USP16: variants seen among roughly 807,000 people sequenced by gnomAD.
USP16 encodes ubiquitin carboxyl-terminal hydrolase 16.
USP16 carries 77 observed loss-of-function variants against 95.9 expected under a neutral mutation model. That is an observed-to-expected ratio of 0.80 (90% CI 0.67 to 0.97). The LOEUF (loss-of-function observed/expected upper bound fraction) is 0.97, where lower values mean the gene tolerates loss of function less well. Ranked by LOEUF, USP16 falls within the 50% of genes least tolerant of loss-of-function variation. The pLI is 0.00. For missense variants in USP16, 943 were observed against 959.9 expected, an observed-to-expected ratio of 0.98 and a Z score of 0.23; for synonymous variants, 303 against 318.2, an observed-to-expected ratio of 0.95 and a Z score of 0.51.
At chr21:29,025,024 C>T (rs1189543185) in intron 1 of USP16, 4 of 314,138 alleles carry the variant, frequency 1.3e-5, no homozygotes, top group Non-Finnish European at 2.4e-5. Context: ...CCCGTGGGAT[C>T]GGAGCAGTTA....
chr21:29,041,927 TTAGA>T (rs146502072), intron 10 of USP16, 82 bp from the exon 11 acceptor site: 28,019 of 1,086,378 alleles, frequency 0.026, 458 homozygotes, highest in East Asian at 0.055. Flanking sequence ...AATTTTAGAG[TTAGA>T]TAGGTAAGTA....
rs775784738 is a variant in USP16 at position 29,046,972 on chromosome 21, T to C, written c.1662T>C (p.Thr554=). The stretch of plus-strand genomic sequence containing the variant: ...TGGAGGTTTTAACATCTTCTCCCAC[T>C]AGGAATTTAAATGGTGCCTACCTAA... ...NDLEVLTSSP[T]RNLNGAYLTE... Residue 554 remains threonine, a synonymous_variant, in exon 14 of 18, where the codon ACT becomes ACC. Coordinates refer to ENST00000399976, the MANE Select transcript of USP16 (RefSeq NM_006447.3). The C allele has an allele frequency of 6.2e-7, 1 of 1,614,088 alleles. No homozygotes were observed. Among genetic ancestry groups the C allele is most frequent in the Non-Finnish European group, 8.5e-7 (1 of 1,180,012 alleles).
Position 29,050,072 on chromosome 21 carries a change from C to G in USP16, c.2107-20C>G. 6.3e-7 allele frequency: 1 copy of G among 1,598,634 alleles called. No homozygotes were observed. The highest frequency in any genetic ancestry group is 8.5e-7 in the Non-Finnish European group (1 of 1,173,348). ...TGCTTTTCCAAGAAAAGAAGTCAAT[C>G]TGTTATGCTTCTCTTTTAGGCTGGT... On this transcript the variant is annotated intron_variant, in intron 15 of 17. Transcript: ENST00000399976.
intron 3 of USP16, among the ~76,000 whole-genome samples, chr21:29,031,944 GT>G (rs2085083431): frequency 6.6e-6 from 1 of 152,122 alleles, no homozygotes; most frequent in Non-Finnish European, 1.5e-5. Context: ...GATCTCCTGA[GT>G]TTGACTTCTT....
intron 12 of USP16, chr21:29,042,790 T>G (rs1489194225): frequency 3.2e-6 from 1 of 308,534 alleles, no homozygotes; most frequent in Non-Finnish European, 5.8e-6. Context: ...AGTATTTTCC[T>G]TATATTAAAA....
At chr21:29,047,970 G>GTATATATA (rs144778465) in intron 14 of USP16, among the ~76,000 whole-genome samples, 2 of 148,584 alleles carry the variant, frequency 1.3e-5, no homozygotes, top group African/African-American at 5.0e-5. Flanking sequence ...GTGTGTGTAT[G>GTATATATA]TATATATATA....
At chr21:29,049,709 A>G (rs1220490601) in intron 15 of USP16, among the ~76,000 whole-genome samples, 3 of 152,138 alleles carry the variant, frequency 2.0e-5, no homozygotes, top group African/African-American at 2.4e-5. Context: ...ATAGGTGGCT[A>G]CCACCATGTC....
At chr21:29,035,022 A>C in intron 4 of USP16, 82 bp downstream of exon 4, 1 of 1,338,634 alleles carries the variant, frequency 7.5e-7, no homozygotes, top group Non-Finnish European at 1.0e-6. Context: ...GTTTAAGAAG[A>C]AAGCAATTTA....
Position 29,034,909 on chromosome 21 carries a change from C to T in USP16, c.313C>T (p.Leu105=). ...YLTPRSEPHC[L]VLSLDNWSVW... ...GACGCCAAGATCTGAACCTCACTGT[C>T]TGGTTCTTAGTTTGGACAACTGGAG... Residue 105 remains leucine, a synonymous_variant, in exon 4 of 18, where the codon CTG becomes TTG. Transcript: ENST00000399976. 2.5e-6 allele frequency: 4 copies of T among 1,614,060 alleles called. No homozygotes were observed. The highest frequency in any genetic ancestry group is 3.4e-6 in the Non-Finnish European group (4 of 1,179,968).
At position 29,024,787 on chromosome 21, in the gene USP16, G is replaced by A. The variant is rs1042152322; in HGVS notation, c.-42+10G>A. 1 of 1,276,454 alleles carries A rather than the reference G, an allele frequency of 7.8e-7. No homozygotes were observed. Among genetic ancestry groups the A allele is most frequent in the African/African-American group, 1.5e-5 (1 of 65,464 alleles). 79.1% of individuals were successfully genotyped at this position (1,276,454 alleles called of 1,614,324 possible). On this transcript the variant is annotated intron_variant, in intron 1 of 17. Transcript: ENST00000399976. ...GGCTCTGTCGCCGTGGGTGAGTTCT[G>A]GTCCCACTGCCTGGCAGTCGTCGCT...
chr21:29,046,303 A>C (rs1378507273), intron 13 of USP16, among the ~76,000 whole-genome samples: 1 of 151,874 alleles, frequency 6.6e-6, no homozygotes, highest in Non-Finnish European at 1.5e-5. Context: ...TGCCCAGCTA[A>C]TTTTTATTTT....
chr21:29,053,977 T>C lies in USP16; in HGVS notation c.2350+19T>C. On this transcript the variant is annotated intron_variant, in intron 17 of 17. Transcript: ENST00000399976. ...CCACAAGGTAAGATGTCTTGGAAAATTCAGGCACTCAGCAGATTACGGCAA... is the reference window on the plus strand; with the variant it reads ...CCACAAGGTAAGATGTCTTGGAAAACTCAGGCACTCAGCAGATTACGGCAA... 1.9e-6 allele frequency: 3 copies of C among 1,613,606 alleles called. No individual in the cohort carries two copies. The highest frequency in any genetic ancestry group is 4.5e-5 in the East Asian group (2 of 44,874).
chr21:29,045,359 T>C (rs558504197), intron 13 of USP16, among the ~76,000 whole-genome samples: 49 of 152,342 alleles, frequency 3.2e-4, no homozygotes, highest in African/African-American at 1.2e-3. Flanking sequence ...GGAATCTTGA[T>C]GAAATGCCTT....
In USP16 at chr21:29,053,968, C is replaced by G; in HGVS notation, c.2350+10C>G. On this transcript the variant is annotated intron_variant, in intron 17 of 17. Transcript: ENST00000399976. ...GGTGATATTCCACAAGGTAAGATGT[C>G]TTGGAAAATTCAGGCACTCAGCAGA... The G allele has an allele frequency of 1.2e-6, 2 of 1,613,750 alleles. No homozygotes were observed. The highest frequency in any genetic ancestry group is 1.1e-5 in the South Asian group (1 of 91,054).
chr21:29,038,183 G>T, intron 6 of USP16, 152 bp from the exon 7 acceptor site: 2 of 568,466 alleles, frequency 3.5e-6, no homozygotes, highest in South Asian at 2.5e-5. Flanking sequence ...AATAGAGTAG[G>T]GAGAGAAGCA....
At chr21:29,039,959 G>C (rs1372291404) in intron 9 of USP16, among the ~76,000 whole-genome samples, 1 of 152,090 alleles carries the variant, frequency 6.6e-6, no homozygotes, top group South Asian at 2.1e-4. Flanking sequence ...TTTTCATTTT[G>C]TAAGAGTCAG....
chr21:29,028,862 T>C (rs1490862909), intron 2 of USP16, among the ~76,000 whole-genome samples: 1 of 152,272 alleles, frequency 6.6e-6, no homozygotes, highest in Non-Finnish European at 1.5e-5. Context: ...GTATTATGAA[T>C]GGCTCAGTAG....
chr21:29,041,006 A>G (rs942627555), intron 10 of USP16, among the ~76,000 whole-genome samples: 3 of 152,170 alleles, frequency 2.0e-5, no homozygotes, highest in Non-Finnish European at 2.9e-5. Context: ...TCATGGAGCC[A>G]ACTTAGTTCT....
In USP16 at chr21:29,037,356, A is replaced by C; in HGVS notation, c.529A>C (p.Lys177Gln). Reference sequence around the variant, plus strand: ...TAAGAATGAACAAGAGAGAGAAAAGAAGGAAAACATGGCTAAAGAGAATCC... The same window carrying C: ...TAAGAATGAACAAGAGAGAGAAAAGCAGGAAAACATGGCTAAAGAGAATCC... Reference protein sequence around the residue: ...ESKNEQEREKKENMAKENPPM... With the variant: ...ESKNEQEREKQENMAKENPPM... Residue 177 changes from lysine (K) to glutamine (Q), a missense_variant, in exon 6 of 18, where the codon AAG becomes CAG. Coordinates refer to ENST00000399976, the MANE Select transcript of USP16 (RefSeq NM_006447.3). The C allele has an allele frequency of 6.2e-7, 1 of 1,607,224 alleles. No individual in the cohort carries two copies. The highest frequency in any genetic ancestry group is 8.5e-7 in the Non-Finnish European group (1 of 1,175,814).
Sources: gnomAD v4.1 joint callset for allele counts (sites outside exome capture counted in the v4.1 genomes callset) on GRCh38, gnomAD v4.1.1 for gene constraint, MANE v1.5 for transcripts, NCBI Gene and HGNC (gene_info 2026-07-23, HGNC 2026-07-21) for gene names.